Variants in WSB1 observed in about 807,000 individuals in gnomAD.
WSB1 encodes the protein WD repeat and SOCS box-containing protein 1.
A neutral mutation model predicts 50.2 loss-of-function variants in WSB1; 23 were observed. The ratio of observed to expected loss-of-function variants is 0.46; its 90% CI spans 0.33 to 0.65. The LOEUF is 0.65. WSB1 is among the 30% of genes least tolerant of loss of function. WSB1 has a pLI of 0.02. For missense variants in WSB1, 492 were observed against 522.3 expected (o/e 0.94, Z 0.56); for synonymous variants, 179 against 172.0 (o/e 1.04, Z -0.32).
chr17:27,310,931 G>C (rs2150843573), intron 7 of WSB1, among the ~76,000 whole-genome samples: 3 of 152,156 alleles, frequency 2.0e-5, no homozygotes, highest in Middle Eastern at 3.4e-3. Flanking sequence ...CCACAGCCTT[G>C]ATTTTCTGGG....
In WSB1 at chr17:27,315,415, C is replaced by T. The variant is rs1274923910; in HGVS notation, c.*3046C>T. The T allele has an allele frequency of 6.6e-6, 1 of 152,228 alleles. No homozygotes were observed. Among genetic ancestry groups the T allele is most frequent in the Non-Finnish European group, 1.5e-5 (1 of 68,046 alleles). The allele number at this position is 152,228 out of a possible 1,614,324, so 9.4% of individuals were successfully genotyped here. ...ATAACTTGATCTTAGGTTGGCAAAT[C>T]TTAAACTTAACGATCCTTGAAATTT... is the stretch of plus-strand genomic sequence containing the variant. On this transcript the variant is annotated 3_prime_UTR_variant, in exon 9 of 9. Transcript: ENST00000262394.
intron 4 of WSB1, among the ~76,000 whole-genome samples, chr17:27,305,835 A>G (rs1446259340): frequency 1.3e-5 from 2 of 152,242 alleles, no homozygotes; most frequent in African/African-American, 4.8e-5. Flanking sequence ...TTTATTTTGC[A>G]TATCGAATGA....
intron 5 of WSB1, chr17:27,307,556 G>A: frequency 1.7e-6 from 1 of 586,726 alleles, no homozygotes; most frequent in Non-Finnish European, 2.9e-6. Context: ...AATGGAGGGT[G>A]GGAGGCTAGT....
Position 27,294,387 on chromosome 17 carries a change from G to T in WSB1, c.-9G>T, listed in dbSNP as rs746004824. 1.9e-5 allele frequency: 30 copies of T among 1,613,570 alleles called. No individual in the cohort carries two copies. The South Asian group carries it at 3.2e-4, about 17-fold the overall frequency. On this transcript the variant is annotated 5_prime_UTR_variant, in exon 1 of 9. Coordinates refer to ENST00000262394, the MANE Select transcript of WSB1 (RefSeq NM_015626.10). ...CATCGTATTCCCGGAATCAGACGGT[G>T]CCCCATAGATGGCCAGCTTTCCCCC...
chr17:27,312,082 C>T (rs1398917325), intron 8 of WSB1, 128 bp from the exon 9 acceptor site: 1 of 1,209,996 alleles, frequency 8.3e-7, no homozygotes, highest in Non-Finnish European at 1.1e-6. Context: ...TTAGTTCTTC[C>T]TGGTTGGGTT....
At chr17:27,301,499 C>G (rs1303509090) in intron 1 of WSB1, among the ~76,000 whole-genome samples, 4 of 152,096 alleles carry the variant, frequency 2.6e-5, no homozygotes, top group African/African-American at 7.2e-5. Context: ...ATTGTTAGGT[C>G]TAATTGGTCA....
rs1567679982 is a variant in WSB1 at position 27,294,337 on chromosome 17, ACTCTCTT to A, written c.-54_-48del. On this transcript the variant is annotated 5_prime_UTR_variant, in exon 1 of 9. Coordinates refer to ENST00000262394, the MANE Select transcript of WSB1 (RefSeq NM_015626.10). ...GGCGTCACGCCCCTCAGCGGTCGCC[ACTCTCTT>A]CTCTGTTGTTGGGTCCGCATCGTAT... 1.3e-6 allele frequency: 2 copies of A among 1,594,868 alleles called. No homozygotes were observed. Among genetic ancestry groups the A allele is most frequent in the African/African-American group, 2.7e-5 (2 of 74,268 alleles).
intron 6 of WSB1, 122 bp downstream of exon 6, chr17:27,309,394 T>C: frequency 4.3e-6 from 4 of 939,482 alleles, no homozygotes; most frequent in Non-Finnish European, 4.6e-6. Context: ...AAAATGTTGG[T>C]ATTATTTAAG....
intron 1 of WSB1, 115 bp from the exon 2 acceptor site, chr17:27,301,673 C>A: frequency 9.2e-7 from 1 of 1,087,232 alleles, no homozygotes; most frequent in South Asian, 1.5e-5. Context: ...GCAGAACTCA[C>A]TATACCCTGT....
chr17:27,307,578 T>G, intron 5 of WSB1: 1 of 663,746 alleles, frequency 1.5e-6, no homozygotes. Flanking sequence ...GAAATGCATT[T>G]TATTTACCCA....
intron 5 of WSB1, chr17:27,308,749 G>C: frequency 1.0e-6 from 1 of 988,184 alleles, no homozygotes; most frequent in Non-Finnish European, 1.2e-6. Flanking sequence ...AGAGAAGGGG[G>C]TTTGTAGTAC....
chr17:27,307,844 A>C (rs2017521090), intron 5 of WSB1: 2 of 1,508,556 alleles, frequency 1.3e-6, no homozygotes, highest in Non-Finnish European at 1.8e-6. Flanking sequence ...ATCTCTGGCT[A>C]CCGGGCTGGG....
chr17:27,307,014 TG>T, intron 5 of WSB1, 132 bp downstream of exon 5: 2 of 813,054 alleles, frequency 2.5e-6, no homozygotes, highest in Non-Finnish European at 1.9e-6. Context: ...TATTTCATGA[TG>T]GGGGAGAATT....
chr17:27,302,354 T>G (rs1195003143), intron 2 of WSB1: 1 of 147,124 alleles, frequency 6.8e-6, no homozygotes, highest in Non-Finnish European at 1.5e-5. Context: ...GAGGTTGTAG[T>G]GAGTCGAGAT....
In WSB1 at chr17:27,301,943, T is replaced by C; in HGVS notation, c.196T>C (p.Cys66Arg). ...AGTAAAGCTTGTTCCGTGGTCCCAGTGCCTTCAGAACTTGTAAGACTGTTA... is the reference window on the plus strand; with the variant it reads ...AGTAAAGCTTGTTCCGTGGTCCCAGCGCCTTCAGAACTTGTAAGACTGTTA... Reference protein sequence around the residue: ...RTVKLVPWSQCLQNFLLHGTK... With the variant: ...RTVKLVPWSQRLQNFLLHGTK... Residue 66 changes from cysteine (C) to arginine (R), a missense_variant, in exon 2 of 9, where the codon TGC (cysteine) becomes CGC (arginine). Transcript: ENST00000262394. 1 of 1,585,318 alleles carries C rather than the reference T, an allele frequency of 6.3e-7. No individual in the cohort carries two copies. The highest frequency in any genetic ancestry group is 1.9e-5 in the Admixed American group (1 of 53,018).
chr17:27,298,698 AAAAAT>A (rs2017096164), intron 1 of WSB1, among the ~76,000 whole-genome samples: 1 of 152,102 alleles, frequency 6.6e-6, no homozygotes, highest in Non-Finnish European at 1.5e-5. Context: ...TAAAAATACA[AAAAAT>A]AATAATAATA....
chr17:27,311,500 C>T lies in WSB1; in HGVS notation c.999-9C>T. 1 of 1,575,256 alleles carries T rather than the reference C, an allele frequency of 6.3e-7. No homozygotes were observed. The highest frequency in any genetic ancestry group is 8.6e-7 in the Non-Finnish European group (1 of 1,167,786). ...CTACAAGATACTAAATAATTTATTT[C>T]ATTTTCAGAATGGTGAGGTTCTGGA... On this transcript the variant is annotated splice_polypyrimidine_tract_variant and intron_variant, in intron 7 of 8. Transcript: ENST00000262394.
chr17:27,303,411 G>T lies in WSB1; in HGVS notation c.254G>T (p.Arg85Ile). ...TKNVTNSSSL[R>I]LPRQNSDGGQ... ...AATGTTACCAATTCAAGCAGTTTAA[G>T]ATTGCCAAGACAAAATAGTGATGGT... is the stretch of plus-strand genomic sequence containing the variant. Residue 85 changes from arginine (R) to isoleucine (I), a missense_variant, in exon 3 of 9, where the codon AGA (arginine) becomes ATA (isoleucine). By Grantham distance (97) the Arg-to-Ile change is moderately conservative. Coordinates refer to ENST00000262394, the MANE Select transcript of WSB1 (RefSeq NM_015626.10). 1 of 1,614,030 alleles carries T rather than the reference G, an allele frequency of 6.2e-7. No individual in the cohort carries two copies. The highest frequency in any genetic ancestry group is 8.5e-7 in the Non-Finnish European group (1 of 1,180,010).
In WSB1 at chr17:27,303,388, T is replaced by C. The variant is rs747672004; in HGVS notation, c.231T>C (p.Asn77=). Residue 77 remains asparagine (N), a synonymous_variant, in exon 3 of 9, where the codon AAT becomes AAC. Transcript: ENST00000262394. The stretch of plus-strand genomic sequence containing the variant: ...CCAGTCTCTTGCATGGCACCAAGAA[T>C]GTTACCAATTCAAGCAGTTTAAGAT... ...LQNFLLHGTK[N]VTNSSSLRLP... 4.3e-6 allele frequency: 7 copies of C among 1,613,996 alleles called. No individual in the cohort carries two copies. The highest frequency in any genetic ancestry group is 5.9e-6 in the Non-Finnish European group (7 of 1,179,994).
Sources: allele counts gnomAD v4.1 joint callset (sites outside exome capture counted in the v4.1 genomes callset), GRCh38; gene constraint gnomAD v4.1.1; transcripts MANE v1.5; gene names NCBI Gene and HGNC (gene_info 2026-07-23, HGNC 2026-07-21).